Variants in TTC17 observed in about 807,000 individuals in gnomAD.
TTC17 encodes tetratricopeptide repeat protein 17.
In TTC17, 58 loss-of-function variants were observed where a neutral mutation model predicts 143.8. The ratio of observed to expected loss-of-function variants is 0.40; its 90% CI spans 0.33 to 0.50. The LOEUF (loss-of-function observed/expected upper bound fraction) is 0.50. Ranked by LOEUF, TTC17 falls within the 20% of genes least tolerant of loss-of-function variation. The pLI is 0.49. For synonymous variants in TTC17, 501 were observed against 497.8 expected, an observed-to-expected ratio of 1.01 and a Z score of -0.09; for missense variants, 1,273 against 1,392.5, an observed-to-expected ratio of 0.91 and a Z score of 1.37.
chr11:43,377,985 C>T (rs1422967166), intron 1 of TTC17, among the ~76,000 whole-genome samples: 1 of 152,072 alleles, frequency 6.6e-6, no homozygotes, highest in East Asian at 1.9e-4. Flanking sequence ...GTCACTGTAG[C>T]CTCTACCTCC....
chr11:43,425,395 C>T (rs1947003786), intron 16 of TTC17, among the ~76,000 whole-genome samples: 1 of 152,074 alleles, frequency 6.6e-6, no homozygotes. Flanking sequence ...AGAGTGGGCT[C>T]TTTTTAAAAT....
At chr11:43,446,172 A>G in intron 18 of TTC17, 1 of 1,312,628 alleles carries the variant, frequency 7.6e-7, no homozygotes, top group Non-Finnish European at 9.7e-7. Context: ...TCATGTTTTT[A>G]CCTCAGTGCC....
chr11:43,408,183 A>G (rs1447251249), intron 15 of TTC17, among the ~76,000 whole-genome samples: 5 of 152,214 alleles, frequency 3.3e-5, no homozygotes, highest in East Asian at 1.9e-4. Context: ...CATGAAATTC[A>G]GTTATAATAA....
chr11:43,452,865 G>T (rs1488481582), intron 21 of TTC17, among the ~76,000 whole-genome samples: 1 of 152,054 alleles, frequency 6.6e-6, no homozygotes, highest in Non-Finnish European at 1.5e-5. Context: ...TGAGGTTGCA[G>T]TAAGCTATGA....
intron 9 of TTC17, 56 bp downstream of exon 9, chr11:43,400,104 C>G: frequency 6.5e-7 from 1 of 1,550,180 alleles, no homozygotes; most frequent in African/African-American, 1.4e-5. Flanking sequence ...TTTTAGCATG[C>G]TTTACTATCA....
chr11:43,365,663 T>C (rs1042979752), intron 1 of TTC17, among the ~76,000 whole-genome samples: 1 of 152,234 alleles, frequency 6.6e-6, no homozygotes, highest in Non-Finnish European at 1.5e-5. Flanking sequence ...TCTCAAACTT[T>C]ACCTTGTACA....
chr11:43,417,554 GGC>G (rs1427537183), intron 16 of TTC17, among the ~76,000 whole-genome samples: 1 of 152,134 alleles, frequency 6.6e-6, no homozygotes. Context: ...GATAATTGTT[GGC>G]CAGGCATGGT....
intron 6 of TTC17, 106 bp from the exon 7 acceptor site, chr11:43,397,241 T>C (rs899918065): frequency 1.6e-6 from 2 of 1,257,480 alleles, no homozygotes; most frequent in Middle Eastern, 2.0e-4. Flanking sequence ...GATTATCTTA[T>C]TTTCTCCACC....
intron 21 of TTC17, among the ~76,000 whole-genome samples, chr11:43,470,455 C>T (rs1948071072): frequency 6.6e-6 from 1 of 152,162 alleles, no homozygotes; most frequent in Non-Finnish European, 1.5e-5. Flanking sequence ...AGGGACATGG[C>T]TTGGCTATAA....
intron 1 of TTC17, among the ~76,000 whole-genome samples, chr11:43,368,847 C>T (rs1856452761): frequency 6.6e-6 from 1 of 152,204 alleles, no homozygotes; most frequent in East Asian, 1.9e-4. Flanking sequence ...TCTTCTCCTC[C>T]AGCCTCAGAC....
chr11:43,491,767 T>G, intron 22 of TTC17: 1 of 479,078 alleles, frequency 2.1e-6, no homozygotes, highest in Admixed American at 3.6e-5. Context: ...AGCAGATTGT[T>G]TACTTCAGCT....
chr11:43,388,133 T>C (rs530937688), intron 2 of TTC17, among the ~76,000 whole-genome samples: 1 of 152,296 alleles, frequency 6.6e-6, no homozygotes, highest in African/African-American at 2.4e-5. Flanking sequence ...TATAAGAATA[T>C]AGTAGCATTT....
At chr11:43,461,415 A>T (rs1379016068) in intron 21 of TTC17, among the ~76,000 whole-genome samples, 1 of 150,808 alleles carries the variant, frequency 6.6e-6, no homozygotes, top group Admixed American at 6.6e-5. Flanking sequence ...AAAAAAAAAA[A>T]ACTAGAAGCC....
chr11:43,493,033 C>T (rs188412238), intron 23 of TTC17, among the ~76,000 whole-genome samples: 4 of 152,294 alleles, frequency 2.6e-5, no homozygotes, highest in East Asian at 3.9e-4. Context: ...GAGGTATTGC[C>T]GAATATGCAG....
In TTC17 at chr11:43,382,608, A is replaced by G. The variant is rs1011706063; in HGVS notation, c.249+3286A>G. On this transcript the variant is annotated intron_variant, in intron 2 of 23. Transcript: ENST00000039989. ...CTTGCCAAAAAATAATCAAACCACA[A>G]TATAATTTGTTATTCAATGTAATTT... Among the ~76,000 whole-genome samples, 93 of 152,356 alleles carry G rather than the reference A, an allele frequency of 6.1e-4. 1 individual carries two copies. Among genetic ancestry groups the G allele is most frequent in the Middle Eastern group, 3.4e-3 (1 of 294 alleles).
chr11:43,448,021 G>T lies in TTC17; in HGVS notation c.2685G>T (p.Gln895His). The T allele has an allele frequency of 1.2e-6, 2 of 1,613,904 alleles. No homozygotes were observed. ...PGPQGKKRDYQRLGWPSPDEC... is the reference protein window; with the variant it reads ...PGPQGKKRDYHRLGWPSPDEC... Reference sequence around the variant, plus strand: ...TTCCAGGAAAAAAACGTGACTACCAGCGTCTGGGATGGCCCAGCCCGGACG... The same window carrying T: ...TTCCAGGAAAAAAACGTGACTACCATCGTCTGGGATGGCCCAGCCCGGACG... The change falls in exon 19 of 24, where the codon CAG (glutamine) becomes CAT (histidine). Residue 895 changes from glutamine to histidine, a missense_variant. Transcript: ENST00000039989.
chr11:43,448,313 C>A (rs556706752), intron 19 of TTC17, among the ~76,000 whole-genome samples, 191 bp downstream of exon 19: 2 of 152,270 alleles, frequency 1.3e-5, no homozygotes, highest in East Asian at 3.9e-4. Flanking sequence ...AGTGTGCCCC[C>A]CTTCCCGGTG....
intron 1 of TTC17, among the ~76,000 whole-genome samples, chr11:43,365,799 G>A (rs185880406): frequency 1.0e-3 from 158 of 152,296 alleles, no homozygotes; most frequent in African/African-American, 3.2e-3. Context: ...CCTTGGGAGA[G>A]TATAATGCAG....
intron 21 of TTC17, among the ~76,000 whole-genome samples, chr11:43,476,787 A>G (rs1488693567): frequency 6.6e-6 from 1 of 152,092 alleles, no homozygotes; most frequent in Non-Finnish European, 1.5e-5. Flanking sequence ...GCTGCCGTGA[A>G]GTTCTCTGAT....
Sources: allele counts gnomAD v4.1 joint callset (sites outside exome capture counted in the v4.1 genomes callset), GRCh38; gene constraint gnomAD v4.1.1; transcripts MANE v1.5; gene names NCBI Gene and HGNC (gene_info 2026-07-23, HGNC 2026-07-21).